Variants in TTC29 observed in about 807,000 individuals in gnomAD.
TTC29 encodes tetratricopeptide repeat domain 29.
In TTC29, 49 loss-of-function variants were observed where a neutral mutation model predicts 58.1. That is an observed-to-expected ratio of 0.84 (90% CI 0.67 to 1.07). TTC29 has a LOEUF of 1.07. Among genes scored for constraint, TTC29 ranks in the 50% least tolerant of loss-of-function variants. TTC29 has a pLI of 0.00. For synonymous variants in TTC29, 209 were observed against 196.8 expected (o/e 1.06, Z -0.52); for missense variants, 582 against 555.6 (o/e 1.05, Z -0.48).
chr4:146,892,130 G>C (rs1732411444), intron 6 of TTC29, among the ~76,000 whole-genome samples: 1 of 152,114 alleles, frequency 6.6e-6, no homozygotes, highest in South Asian at 2.1e-4. Context: ...CTTCCCCCTT[G>C]CTGTTCTCAT....
chr4:146,923,069 G>A (rs948391864), intron 4 of TTC29, among the ~76,000 whole-genome samples: 1 of 151,646 alleles, frequency 6.6e-6, no homozygotes. Context: ...CATTGAAACG[G>A]ATAAAAAATT....
chr4:146,761,940 T>C (rs546124498), intron 11 of TTC29, among the ~76,000 whole-genome samples: 1 of 151,998 alleles, frequency 6.6e-6, no homozygotes, highest in South Asian at 2.1e-4. Flanking sequence ...TTTATAAAAA[T>C]GTTGCCTGTT....
At chr4:146,933,785 C>CA (rs1735532479) in intron 4 of TTC29, among the ~76,000 whole-genome samples, 1 of 152,172 alleles carries the variant, frequency 6.6e-6, no homozygotes, top group Admixed American at 6.5e-5. Context: ...GTAGATGATA[C>CA]AAAACCCAGA....
chr4:146,894,074 T>A (rs1443633594), intron 6 of TTC29, among the ~76,000 whole-genome samples: 7 of 152,178 alleles, frequency 4.6e-5, no homozygotes, highest in Non-Finnish European at 5.9e-5. Context: ...ACTTTTACAC[T>A]GTTGGTGGGA....
chr4:146,762,378 G>T (rs1284764153), intron 11 of TTC29, among the ~76,000 whole-genome samples: 3 of 139,202 alleles, frequency 2.2e-5, no homozygotes, highest in Non-Finnish European at 1.5e-5. Flanking sequence ...GAGTCTCAAT[G>T]TCTCTTAAGG....
At chr4:146,781,511 A>G (rs114632380) in intron 11 of TTC29, among the ~76,000 whole-genome samples, 1 of 151,920 alleles carries the variant, frequency 6.6e-6, no homozygotes, top group African/African-American at 2.4e-5. Context: ...TGTAAGATTA[A>G]AACCTTGAAA....
At chr4:146,749,432 C>A (rs1451059157) in intron 11 of TTC29, among the ~76,000 whole-genome samples, 3 of 151,686 alleles carry the variant, frequency 2.0e-5, no homozygotes, top group African/African-American at 4.8e-5. Context: ...AAGAAAGAAT[C>A]TGTAAAGTTG....
In TTC29 at chr4:146,758,831, C is replaced by T. The variant is rs527574879; in HGVS notation, c.1330+44626G>A. Among the ~76,000 whole-genome samples, 190 of 152,164 alleles carry T rather than the reference C, an allele frequency of 1.2e-3. 1 individual carries two copies. The highest frequency in any genetic ancestry group is 2.0e-3 in the Non-Finnish European group (136 of 67,968). The stretch of plus-strand genomic sequence containing the variant: ...ACAACCTATCAAGACCTCTGGGATA[C>T]AGCAAAGGCAGTGCTAAGAGGAAAG... On this transcript the variant is annotated intron_variant, in intron 11 of 12. Transcript: ENST00000325106.
At chr4:146,879,294 T>C (rs2150230141) in intron 6 of TTC29, among the ~76,000 whole-genome samples, 1 of 152,332 alleles carries the variant, frequency 6.6e-6, no homozygotes, top group African/African-American at 2.4e-5. Flanking sequence ...ATAATTTAAA[T>C]ATGCAAGCAT....
intron 2 of TTC29, 114 bp from the exon 3 acceptor site, chr4:146,940,015 T>A: frequency 2.1e-6 from 2 of 973,078 alleles, no homozygotes; most frequent in Non-Finnish European, 3.0e-6. Flanking sequence ...TGCCTATGTG[T>A]AGTGCTACAG....
intron 7 of TTC29, among the ~76,000 whole-genome samples, chr4:146,868,752 CT>C (rs1730731019): frequency 6.6e-6 from 1 of 152,018 alleles, no homozygotes; most frequent in Non-Finnish European, 1.5e-5. Flanking sequence ...AGTTTTTGGT[CT>C]TTGGAAAGCA....
intron 11 of TTC29, among the ~76,000 whole-genome samples, chr4:146,765,716 T>A (rs1747259707): frequency 6.6e-6 from 1 of 152,064 alleles, no homozygotes; most frequent in African/African-American, 2.4e-5. Context: ...ACGGAGTGAA[T>A]GGATTAGACA....
chr4:146,829,338 G>T (rs931045568), intron 9 of TTC29, among the ~76,000 whole-genome samples: 1 of 152,144 alleles, frequency 6.6e-6, no homozygotes, highest in African/African-American at 2.4e-5. Context: ...TAAAGGATGT[G>T]GTTGAGTGAA....
At chr4:146,710,015 A>G (rs1039568938) in intron 11 of TTC29, among the ~76,000 whole-genome samples, 4 of 152,204 alleles carry the variant, frequency 2.6e-5, no homozygotes, top group East Asian at 1.9e-4. Context: ...CTTCCTCTCT[A>G]TTAGATCTTC....
Position 146,911,392 on chromosome 4 carries a change from G to A in TTC29, c.177-2143C>T, listed in dbSNP as rs146505694. On this transcript the variant is annotated intron_variant, in intron 4 of 12. Coordinates refer to ENST00000325106, the MANE Select transcript of TTC29 (RefSeq NM_031956.4). ...GAAGACACAGCTAAAACTGAAATGA[G>A]CATACTGGGGAGCTCCTGAAGGGTT... Among the ~76,000 whole-genome samples the A allele has an allele frequency of 4.1e-4, 63 of 152,268 alleles. No homozygotes were observed. The East Asian group carries it at 0.01, about 24-fold the overall frequency.
intron 11 of TTC29, among the ~76,000 whole-genome samples, chr4:146,717,645 G>A (rs754228530): frequency 1.3e-5 from 2 of 151,840 alleles, no homozygotes; most frequent in Non-Finnish European, 1.5e-5. Context: ...ATATTTATGG[G>A]GTACAAAGTG....
chr4:146,865,372 A>G (rs912382066), intron 8 of TTC29, among the ~76,000 whole-genome samples: 7 of 152,224 alleles, frequency 4.6e-5, no homozygotes, highest in Non-Finnish European at 8.8e-5. Context: ...GCACAGCCAC[A>G]CAATGGGATA....
intron 11 of TTC29, among the ~76,000 whole-genome samples, chr4:146,727,379 T>C (rs1743876577): frequency 6.6e-6 from 1 of 152,168 alleles, no homozygotes; most frequent in Non-Finnish European, 1.5e-5. Context: ...GTAATTTACA[T>C]TAGGGTTCAC....
intron 4 of TTC29, among the ~76,000 whole-genome samples, chr4:146,931,918 C>T (rs1042472539): frequency 2.0e-5 from 3 of 152,110 alleles, no homozygotes; most frequent in African/African-American, 7.2e-5. Context: ...AAAGCTCCTT[C>T]CAACTACATT....
Sources: allele counts gnomAD v4.1 joint callset (sites outside exome capture counted in the v4.1 genomes callset), GRCh38; gene constraint gnomAD v4.1.1; transcripts MANE v1.5; gene names NCBI Gene and HGNC (gene_info 2026-07-23, HGNC 2026-07-21).